Variants in PDE4D observed in about 807,000 individuals in gnomAD.
The protein encoded by PDE4D is phosphodiesterase 4D.
A neutral mutation model predicts 87.4 loss-of-function variants in PDE4D; 24 were observed. That is an observed-to-expected ratio of 0.27 (90% CI 0.20 to 0.39). The LOEUF is 0.39. PDE4D is among the 10% of genes least tolerant of loss of function. The pLI is 1.00. For missense variants in PDE4D, 714 were observed against 1,041.0 expected (o/e 0.69, Z 4.32); for synonymous variants, 384 against 383.2 (o/e 1.00, Z -0.02).
chr5:59,877,434 A>G (rs1413465476), intron 1 of PDE4D, among the ~76,000 whole-genome samples: 1 of 150,286 alleles, frequency 6.7e-6, no homozygotes, highest in African/African-American at 2.4e-5. Context: ...GCACATGTAT[A>G]TCTATGTAAC....
intron 1 of PDE4D, among the ~76,000 whole-genome samples, chr5:59,373,836 C>G (rs181988864): frequency 6.6e-6 from 1 of 152,266 alleles, no homozygotes; most frequent in African/African-American, 2.4e-5. Flanking sequence ...GACCTCTCAG[C>G]AGAAACTCTA....
intron 1 of PDE4D, among the ~76,000 whole-genome samples, chr5:60,193,539 G>T (rs1218562690): frequency 6.6e-6 from 1 of 150,922 alleles, no homozygotes; most frequent in African/African-American, 2.4e-5. Flanking sequence ...GCGAGGTGGC[G>T]GGCGCCTGTA....
chr5:59,250,553 G>A (rs1759740808), intron 1 of PDE4D, among the ~76,000 whole-genome samples: 1 of 151,404 alleles, frequency 6.6e-6, no homozygotes, highest in Non-Finnish European at 1.5e-5. Flanking sequence ...ATTGTGCCTT[G>A]AATATAAATA....
intron 1 of PDE4D, among the ~76,000 whole-genome samples, chr5:60,187,519 T>C (rs1441255685): frequency 1.3e-5 from 2 of 152,222 alleles, no homozygotes; most frequent in African/African-American, 4.8e-5. Flanking sequence ...CATGGAATAG[T>C]TGCCCTACTG....
intron 1 of PDE4D, among the ~76,000 whole-genome samples, chr5:60,283,055 T>A (rs1468094660): frequency 6.6e-6 from 1 of 152,154 alleles, no homozygotes; most frequent in Non-Finnish European, 1.5e-5. Context: ...AGTTTCTATA[T>A]CTTTACTGAT....
chr5:59,452,002 C>T (rs187756318), intron 1 of PDE4D, among the ~76,000 whole-genome samples: 13 of 152,324 alleles, frequency 8.5e-5, no homozygotes, highest in Non-Finnish European at 1.5e-4. Context: ...AGGCCCAGGA[C>T]GGCCTTGAAT....
intron 1 of PDE4D, among the ~76,000 whole-genome samples, chr5:60,351,746 T>C (rs980131843): frequency 2.6e-5 from 4 of 152,070 alleles, no homozygotes; most frequent in Admixed American, 6.6e-5. Context: ...GAATAGTCTC[T>C]CACTTTGCTG....
intron 3 of PDE4D, among the ~76,000 whole-genome samples, chr5:59,954,077 C>T (rs1171656879): frequency 6.7e-6 from 1 of 149,690 alleles, no homozygotes; most frequent in Admixed American, 6.7e-5. Flanking sequence ...AGGCATGCGC[C>T]ACCATGCCCG....
intron 1 of PDE4D, among the ~76,000 whole-genome samples, chr5:59,802,690 C>T (rs1266206236): frequency 6.6e-6 from 1 of 152,004 alleles, no homozygotes; most frequent in South Asian, 2.1e-4. Flanking sequence ...AGCCACTGTG[C>T]CCAGCCTCCA....
chr5:59,250,209 G>C (rs951722819), intron 1 of PDE4D, among the ~76,000 whole-genome samples: 1 of 151,424 alleles, frequency 6.6e-6, no homozygotes, highest in African/African-American at 2.4e-5. Context: ...CTATTTTAAG[G>C]GCTGGGCATG....
intron 1 of PDE4D, among the ~76,000 whole-genome samples, chr5:59,826,892 C>T (rs910665187): frequency 6.6e-6 from 1 of 151,982 alleles, no homozygotes; most frequent in African/African-American, 2.4e-5. Context: ...AAGAGCTCTT[C>T]CTGACACACT....
intron 5 of PDE4D, chr5:59,039,233 C>T (rs1022201936): frequency 1.7e-5 from 21 of 1,245,484 alleles, no homozygotes; most frequent in Middle Eastern, 3.1e-4. Flanking sequence ...CAAAGAGCGG[C>T]GAGCCAACTT....
intron 1 of PDE4D, among the ~76,000 whole-genome samples, chr5:60,452,159 G>A (rs1746145190): frequency 2.0e-5 from 3 of 151,990 alleles, no homozygotes; most frequent in Admixed American, 1.3e-4. Flanking sequence ...TGTCCTATAG[G>A]CAAGAATACA....
intron 1 of PDE4D, among the ~76,000 whole-genome samples, chr5:59,789,581 T>A (rs1241572003): frequency 6.6e-6 from 1 of 152,252 alleles, no homozygotes; most frequent in African/African-American, 2.4e-5. Context: ...ATTTAATTAG[T>A]CATTATATTC....
At chr5:59,357,201 G>T (rs1369628340) in intron 1 of PDE4D, among the ~76,000 whole-genome samples, 1 of 152,058 alleles carries the variant, frequency 6.6e-6, no homozygotes, top group South Asian at 2.1e-4. Context: ...ACACACACAC[G>T]CATGCACACA....
chr5:59,703,902 G>C (rs963210506), intron 1 of PDE4D, among the ~76,000 whole-genome samples: 12 of 152,066 alleles, frequency 7.9e-5, no homozygotes, highest in African/African-American at 2.9e-4. Flanking sequence ...TCAGTTACAT[G>C]GCTCTGATGC....
In PDE4D at chr5:60,341,085, T is replaced by A. The variant is rs76957879; in HGVS notation, c.-90+146857A>T. Among the ~76,000 whole-genome samples the A allele has an allele frequency of 8.6e-4, 131 of 152,244 alleles. 2 individuals carry two copies. The East Asian group carries it at 0.024, about 28-fold the overall frequency. On this transcript the variant is annotated intron_variant, in intron 1 of 16. Coordinates refer to the PDE4D transcript ENST00000502484. The stretch of plus-strand genomic sequence containing the variant: ...CCTTTCACTATGATTTGCCATCCAG[T>A]GAGTCAGAGCAATATCTTGAAACTG...
intron 1 of PDE4D, among the ~76,000 whole-genome samples, chr5:59,875,750 TG>T (rs1748498899): frequency 1.3e-5 from 2 of 152,274 alleles, no homozygotes; most frequent in African/African-American, 4.8e-5. Flanking sequence ...ACCTGAACTT[TG>T]GAGTCATAAA....
intron 1 of PDE4D, among the ~76,000 whole-genome samples, chr5:59,343,205 T>C (rs1027800382): frequency 6.6e-5 from 10 of 152,120 alleles, no homozygotes; most frequent in Admixed American, 5.2e-4. Flanking sequence ...ACATATAATA[T>C]TTGGTTTACA....
Sources: allele counts gnomAD v4.1 joint callset (sites outside exome capture counted in the v4.1 genomes callset), GRCh38; gene constraint gnomAD v4.1.1; transcripts MANE v1.5; gene names NCBI Gene and HGNC (gene_info 2026-07-23, HGNC 2026-07-21).